CADM2: variants seen among roughly 807,000 people sequenced by gnomAD.
CADM2 encodes the protein immunoglobulin superfamily member 4D.
A neutral mutation model predicts 49.8 loss-of-function variants in CADM2; 12 were observed. That is an observed-to-expected ratio of 0.24 (90% CI 0.15 to 0.39). The LOEUF is 0.39. Ranked by LOEUF, CADM2 falls within the 10% of genes least tolerant of loss-of-function variation. CADM2 has a pLI of 1.00. For missense variants in CADM2, 378 were observed against 492.3 expected (o/e 0.77, Z 2.20); for synonymous variants, 214 against 175.4 (o/e 1.22, Z -1.74).
intron 6 of CADM2, 47 bp downstream of exon 6, chr3:85,912,590 T>G: frequency 5.2e-6 from 8 of 1,534,354 alleles, no homozygotes; most frequent in African/African-American, 1.4e-5. Flanking sequence ...AGCAAATCTC[T>G]TCATCTGCAT....
chr3:85,433,025 C>T (rs1024558166), intron 1 of CADM2, among the ~76,000 whole-genome samples: 71 of 152,078 alleles, frequency 4.7e-4, no homozygotes, highest in African/African-American at 1.7e-3. Flanking sequence ...ATTTGTGGTA[C>T]ATTTCATGCT....
Position 85,637,632 on chromosome 3 carries a change from A to AAAATAAAATAAAATAAAAT in CADM2, c.62-88883_62-88882insATAAAATAAAATAAATAAA, listed in dbSNP as rs1553753417. Among the ~76,000 whole-genome samples, 82 of 145,726 alleles carry AAAATAAAATAAAATAAAAT rather than the reference A, an allele frequency of 5.6e-4. 1 individual carries two copies. Among genetic ancestry groups the AAAATAAAATAAAATAAAAT allele is most frequent in the Admixed American group, 3.2e-3 (48 of 14,790 alleles). On this transcript the variant is annotated intron_variant, in intron 1 of 9. Transcript: ENST00000383699. ...TCAAAAAAAAAAAAAAAAATAAAATAAAATAAATAAATAAATAAATAAAAG... is the reference window on the plus strand; with the variant it reads ...TCAAAAAAAAAAAAAAAAATAAAATAAAATAAAATAAAATAAAATAAATAAATAAATAAATAAATAAAAG...
At chr3:85,754,295 G>A (rs2068999385) in intron 2 of CADM2, among the ~76,000 whole-genome samples, 2 of 152,204 alleles carry the variant, frequency 1.3e-5, no homozygotes, top group Admixed American at 1.3e-4. Flanking sequence ...GACACCAGGT[G>A]CAACCAATTA....
chr3:85,585,817 C>G (rs184879755), intron 1 of CADM2, among the ~76,000 whole-genome samples: 1 of 152,104 alleles, frequency 6.6e-6, no homozygotes, highest in East Asian at 1.9e-4. Flanking sequence ...TTTTAGCCAG[C>G]TGAGCCCTAT....
At chr3:85,682,370 T>C (rs769446574) in intron 1 of CADM2, among the ~76,000 whole-genome samples, 10 of 152,096 alleles carry the variant, frequency 6.6e-5, no homozygotes, top group Non-Finnish European at 1.5e-5. Context: ...TTCCCAGTAA[T>C]CTACTAGGTA....
At chr3:85,233,924 A>T (rs912453051) in intron 1 of CADM2, among the ~76,000 whole-genome samples, 2 of 152,122 alleles carry the variant, frequency 1.3e-5, no homozygotes, top group Admixed American at 6.6e-5. Context: ...TATAGTATGA[A>T]TTATTTCCAT....
intron 1 of CADM2, among the ~76,000 whole-genome samples, chr3:85,561,691 G>A (rs1035909394): frequency 1.3e-5 from 2 of 152,094 alleles, no homozygotes; most frequent in African/African-American, 4.8e-5. Context: ...TTGAGGATGT[G>A]GCCGTGAACA....
chr3:86,000,614 G>T (rs919750543), intron 8 of CADM2, among the ~76,000 whole-genome samples: 1 of 151,790 alleles, frequency 6.6e-6, no homozygotes, highest in Non-Finnish European at 1.5e-5. Context: ...GGAGTGGAGA[G>T]ATGGGGAAGA....
At chr3:85,965,853 G>A (rs1648282945) in intron 8 of CADM2, among the ~76,000 whole-genome samples, 1 of 151,578 alleles carries the variant, frequency 6.6e-6, no homozygotes, top group South Asian at 2.1e-4. Flanking sequence ...TCTGTTTTGT[G>A]ATTGGAAGCA....
At chr3:85,776,910 C>T (rs971871551) in intron 2 of CADM2, among the ~76,000 whole-genome samples, 9 of 152,134 alleles carry the variant, frequency 5.9e-5, no homozygotes, top group South Asian at 2.1e-4. Context: ...ATGTCTGACA[C>T]GCCTGAAAGT....
intron 1 of CADM2, among the ~76,000 whole-genome samples, chr3:85,152,602 A>G (rs1352554910): frequency 1.3e-5 from 2 of 152,088 alleles, no homozygotes; most frequent in Non-Finnish European, 2.9e-5. Context: ...GCAGTTTTTC[A>G]GTTCACCATA....
intron 8 of CADM2, among the ~76,000 whole-genome samples, chr3:86,039,449 C>T (rs1369765059): frequency 6.6e-6 from 1 of 152,186 alleles, no homozygotes; most frequent in Non-Finnish European, 1.5e-5. Flanking sequence ...CCACGCCTGG[C>T]TCAGAGGGTC....
intron 1 of CADM2, among the ~76,000 whole-genome samples, chr3:85,681,848 A>C (rs556814317): frequency 1.3e-5 from 2 of 152,226 alleles, no homozygotes; most frequent in South Asian, 4.1e-4. Flanking sequence ...TTTCAGGTTA[A>C]AATTATTGCA....
chr3:85,687,700 C>T (rs565617953), intron 1 of CADM2, among the ~76,000 whole-genome samples: 1 of 152,208 alleles, frequency 6.6e-6, no homozygotes, highest in African/African-American at 2.4e-5. Context: ...GATATGCAAA[C>T]ATGAGATTGA....
chr3:85,105,537 A>G (rs565216891), intron 1 of CADM2, among the ~76,000 whole-genome samples: 65 of 152,220 alleles, frequency 4.3e-4, no homozygotes, highest in African/African-American at 1.4e-3. Flanking sequence ...TCAGTGTGGC[A>G]ATTCCTCAGG....
intron 8 of CADM2, among the ~76,000 whole-genome samples, chr3:85,965,325 C>G (rs923683122): frequency 6.8e-6 from 1 of 147,210 alleles, no homozygotes; most frequent in Admixed American, 6.9e-5. Flanking sequence ...AATATTATTA[C>G]AAATTAATAA....
At chr3:85,593,410 C>T (rs909425708) in intron 1 of CADM2, among the ~76,000 whole-genome samples, 4 of 151,932 alleles carry the variant, frequency 2.6e-5, no homozygotes, top group Non-Finnish European at 5.9e-5. Context: ...ATTTTTTCAT[C>T]TATAAAATGA....
intron 1 of CADM2, among the ~76,000 whole-genome samples, chr3:85,646,282 A>G (rs1577008629): frequency 6.6e-6 from 1 of 152,118 alleles, no homozygotes; most frequent in South Asian, 2.1e-4. Flanking sequence ...TAAATATCAG[A>G]TAATCATTCC....
chr3:85,512,415 C>A (rs73128361), intron 1 of CADM2, among the ~76,000 whole-genome samples: 30,224 of 151,810 alleles, frequency 0.2, 3,802 homozygotes, highest in East Asian at 0.3. Context: ...TCCAATAGAC[C>A]GTTGATTTCA....
Sources: allele counts gnomAD v4.1 joint callset (sites outside exome capture counted in the v4.1 genomes callset), GRCh38; gene constraint gnomAD v4.1.1; transcripts MANE v1.5; gene names NCBI Gene and HGNC (gene_info 2026-07-23, HGNC 2026-07-21).